Variants in PRKN observed in about 807,000 individuals in gnomAD.
PRKN encodes the protein parkin RBR E3 ubiquitin protein ligase, also known as E3 ubiquitin-protein ligase parkin.
A neutral mutation model predicts 59.5 loss-of-function variants in PRKN; 56 were observed. The ratio of observed to expected loss-of-function variants is 0.94; its 90% confidence interval spans 0.76 to 1.18. PRKN has a LOEUF of 1.18. Among genes scored for constraint, PRKN ranks in the 50% most tolerant of loss-of-function variants. The probability of loss-of-function intolerance (pLI) is 0.00; values close to 1 mark genes in which losing one functional copy is unlikely to be tolerated. For missense variants in PRKN, 657 were observed against 596.4 expected, an observed-to-expected ratio of 1.10 and a Z score of -1.06; for synonymous variants, 250 against 222.1, an observed-to-expected ratio of 1.13 and a Z score of -1.12.
At chr6:162,377,539 A>G (rs1306845422) in intron 2 of PRKN, among the ~76,000 whole-genome samples, 1 of 152,190 alleles carries the variant, frequency 6.6e-6, no homozygotes, top group Non-Finnish European at 1.5e-5. Context: ...ACTGTCCAAA[A>G]GAGGGGATCT....
chr6:161,585,310 T>C (rs61452760), intron 7 of PRKN, among the ~76,000 whole-genome samples: 5,012 of 152,320 alleles, frequency 0.033, 288 homozygotes, highest in African/African-American at 0.11. Context: ...CTTGTATTTG[T>C]GAAACGTGGC....
chr6:161,835,380 A>C (rs946254688), intron 6 of PRKN, among the ~76,000 whole-genome samples: 1 of 152,118 alleles, frequency 6.6e-6, no homozygotes, highest in South Asian at 2.1e-4. Context: ...ACCCCCTGGG[A>C]AACGTGCTTA....
chr6:161,407,580 A>C lies in PRKN; in HGVS notation c.1084-20703T>G, dbSNP rs551078380. 2.6e-5 allele frequency among the ~76,000 whole-genome samples: 4 copies of C among 152,338 alleles called. No individual in the cohort carries two copies. The highest frequency in any genetic ancestry group is 2.0e-4 in the Admixed American group (3 of 15,302). On this transcript the variant is annotated intron_variant, in intron 9 of 11. Coordinates refer to ENST00000366898, the MANE Select transcript of PRKN (RefSeq NM_004562.3). This position sits in a 1 kb window ranked among gnomAD's most constrained non-coding sequence, Gnocchi z 4.9. ...TAAAATACACAAAAAGGTACTTCTTAGAGTTGAGGATAAGTGTTGGATGCA... is the reference window on the plus strand; with the variant it reads ...TAAAATACACAAAAAGGTACTTCTTCGAGTTGAGGATAAGTGTTGGATGCA...
intron 9 of PRKN, among the ~76,000 whole-genome samples, chr6:161,389,485 A>C (rs1431942410): frequency 1.3e-5 from 2 of 152,250 alleles, no homozygotes; most frequent in African/African-American, 4.8e-5. Context: ...GCGTGTGTGC[A>C]TCAGAACGTC....
In PRKN at chr6:161,544,958, A is replaced by C. The variant is rs1188199824; in HGVS notation, c.1083+3896T>G. On this transcript the variant is annotated intron_variant, in intron 9 of 11. Coordinates refer to ENST00000366898, the MANE Select transcript of PRKN (RefSeq NM_004562.3). This position sits in a 1 kb window ranked among gnomAD's most constrained non-coding sequence, Gnocchi z 5.5. ...TAAAGACACAGAAGCCTTCAAATGGAAAGGATATACAACAGAAACCACAGC... is the reference window on the plus strand; with the variant it reads ...TAAAGACACAGAAGCCTTCAAATGGCAAGGATATACAACAGAAACCACAGC... Among the ~76,000 whole-genome samples the C allele has an allele frequency of 6.6e-6, 1 of 152,190 alleles. No individual in the cohort carries two copies. Among genetic ancestry groups the C allele is most frequent in the East Asian group, 1.9e-4 (1 of 5,196 alleles).
At position 161,347,849 on chromosome 6, in the gene PRKN, C is replaced by CTCG. The variant is rs1784395138; in HGVS notation, c.*2247_*2249dup. The stretch of plus-strand genomic sequence containing the variant: ...GCCAGGCTGGTCTTGAACTCCTGAC[C>CTCG]TCGTGATCCACCCACCTCGGCCTCC... On this transcript the variant is annotated 3_prime_UTR_variant, in exon 12 of 12. Coordinates refer to ENST00000366898, the MANE Select transcript of PRKN (RefSeq NM_004562.3). The CTCG allele has an allele frequency of 6.5e-6, 1 of 153,250 alleles. No homozygotes were observed. The highest frequency in any genetic ancestry group is 2.1e-4 in the South Asian group (1 of 4,788). The allele number at this position is 153,250 out of a possible 1,614,324, so 9.5% of individuals were successfully genotyped here. A position where few individuals can be genotyped will look rare whatever the true frequency, so the allele number is the denominator to read the frequency against.
At chr6:161,523,023 ACCTC>A (rs1778892971) in intron 9 of PRKN, among the ~76,000 whole-genome samples, 1 of 152,116 alleles carries the variant, frequency 6.6e-6, no homozygotes, top group South Asian at 2.1e-4. Flanking sequence ...TTAAATTTCC[ACCTC>A]CTAACACTAG....
In PRKN at chr6:161,771,366, A is replaced by T. The variant is rs28760302; in HGVS notation, c.871+14406T>A. On this transcript the variant is annotated intron_variant, in intron 7 of 11. Coordinates refer to ENST00000366898, the MANE Select transcript of PRKN (RefSeq NM_004562.3). ...ACAAGACTCCACCTCAAAAAAAAAA[A>T]AAAAATAAAATAAAATAAAATAAAA... 9.7e-4 allele frequency among the ~76,000 whole-genome samples: 115 copies of T among 118,966 alleles called. 3 individuals are homozygous for T. Among genetic ancestry groups the T allele is most frequent in the South Asian group, 2.2e-3 (7 of 3,214 alleles). 78.0% of individuals were successfully genotyped at this position (118,966 alleles called of 152,430 possible).
chr6:162,460,922 T>A (rs1461126816), intron 1 of PRKN, among the ~76,000 whole-genome samples: 1 of 152,184 alleles, frequency 6.6e-6, no homozygotes, highest in Non-Finnish European at 1.5e-5. Context: ...TATAATTTGC[T>A]CAAATTACTC....
intron 1 of PRKN, among the ~76,000 whole-genome samples, chr6:162,475,565 G>A (rs1019722466): frequency 3.0e-5 from 4 of 134,912 alleles, no homozygotes; most frequent in Admixed American, 2.2e-4. Flanking sequence ...GTGTATGCAT[G>A]TGAGTGTGTG....
At chr6:161,827,552 C>G (rs976380907) in intron 6 of PRKN, among the ~76,000 whole-genome samples, 7 of 145,508 alleles carry the variant, frequency 4.8e-5, no homozygotes, top group African/African-American at 1.8e-4. Flanking sequence ...ATCTGTCACC[C>G]AGGCTGGAGT....
intron 2 of PRKN, among the ~76,000 whole-genome samples, chr6:162,336,104 C>T (rs1783833149): frequency 1.3e-5 from 2 of 151,992 alleles, no homozygotes; most frequent in South Asian, 4.2e-4. Flanking sequence ...TGTGAAATAC[C>T]AGAGCAGCAA....
intron 2 of PRKN, among the ~76,000 whole-genome samples, chr6:162,351,838 G>C (rs1487007815): frequency 1.3e-5 from 2 of 152,144 alleles, no homozygotes; most frequent in African/African-American, 4.8e-5. Context: ...GTGTTTGTGT[G>C]TGTGTGTGTA....
chr6:161,867,116 T>G (rs540655455), intron 6 of PRKN, among the ~76,000 whole-genome samples: 16 of 152,240 alleles, frequency 1.1e-4, no homozygotes, highest in Non-Finnish European at 1.6e-4. Context: ...CATCAGTCTT[T>G]ATTTTATTTG....
chr6:161,676,504 T>C (rs1256947268), intron 7 of PRKN, among the ~76,000 whole-genome samples: 1 of 152,168 alleles, frequency 6.6e-6, no homozygotes, highest in Non-Finnish European at 1.5e-5. Context: ...CAGAAAATAA[T>C]ATAAAATTCA....
intron 9 of PRKN, among the ~76,000 whole-genome samples, chr6:161,522,712 A>G (rs538605801): frequency 6.6e-6 from 1 of 152,364 alleles, no homozygotes; most frequent in Middle Eastern, 3.4e-3. Context: ...AGAAAATGTA[A>G]TGCAAAGATG....
At chr6:161,746,706 GTATA>G (rs557783464) in intron 7 of PRKN, among the ~76,000 whole-genome samples, 1 of 144,252 alleles carries the variant, frequency 6.9e-6, no homozygotes, top group African/African-American at 2.6e-5. Context: ...ATGTATATAT[GTATA>G]TATAGATATA....
intron 1 of PRKN, among the ~76,000 whole-genome samples, chr6:162,484,614 C>T (rs1792459468): frequency 6.6e-6 from 1 of 152,158 alleles, no homozygotes; most frequent in African/African-American, 2.4e-5. Flanking sequence ...TGTTAGCCTT[C>T]CGAATCAAGA....
chr6:162,609,291 G>A (rs752292549), intron 1 of PRKN, among the ~76,000 whole-genome samples: 2 of 152,098 alleles, frequency 1.3e-5, no homozygotes, highest in Non-Finnish European at 2.9e-5. Flanking sequence ...TCCTGACCTC[G>A]CCTTAGACTG....
Sources: gnomAD v4.1 joint callset for allele counts (sites outside exome capture counted in the v4.1 genomes callset) on GRCh38, gnomAD v4.1.1 for gene constraint, Gnocchi (gnomAD v3.1) non-coding constraint, MANE v1.5 for transcripts, NCBI Gene and HGNC (gene_info 2026-07-23, HGNC 2026-07-21) for gene names.